Variants in OPTN observed in about 807,000 individuals in gnomAD.
The protein encoded by OPTN is E3-14.7K-interacting protein.
A neutral mutation model predicts 70.4 loss-of-function variants in OPTN; 54 were observed. That is an observed-to-expected ratio of 0.77 (90% CI 0.62 to 0.96). The LOEUF (loss-of-function observed/expected upper bound fraction) is 0.96. Among genes scored for constraint, OPTN ranks in the 40% least tolerant of loss-of-function variants. The pLI, the probability that OPTN is intolerant of heterozygous loss-of-function variation, is 0.00. For synonymous variants in OPTN, 256 were observed against 248.5 expected, an observed-to-expected ratio of 1.03 and a Z score of -0.28; for missense variants, 624 against 673.2, an observed-to-expected ratio of 0.93 and a Z score of 0.81.
At chr10:13,109,940 G>A (rs1832959721) in intron 3 of OPTN, among the ~76,000 whole-genome samples, 1 of 146,998 alleles carries the variant, frequency 6.8e-6, no homozygotes, top group Admixed American at 6.9e-5. Flanking sequence ...TCTCAAGATG[G>A]CTTTGGGCAG....
chr10:13,110,374 G>A lies in OPTN; in HGVS notation c.267G>A (p.Gln89=), dbSNP rs766200278. 1.9e-6 allele frequency: 3 copies of A among 1,614,004 alleles called. No homozygotes were observed. The highest frequency in any genetic ancestry group is 2.5e-6 in the Non-Finnish European group (3 of 1,180,024). The change falls in exon 4 of 15, where the codon CAG becomes CAA. Residue 89 remains glutamine (Q), a synonymous_variant. Transcript: ENST00000378747. Reference sequence around the variant, plus strand: ...AAGAACGCCAGTTTTTTGAGATACAGAGCAAAGAAGCAAAAGAGCGTCTAA... The same window carrying A: ...AAGAACGCCAGTTTTTTGAGATACAAAGCAAAGAAGCAAAAGAGCGTCTAA... ...QKEERQFFEI[Q]SKEAKERLMA... is the part of the protein sequence containing the mutation.
intron 8 of OPTN, 37 bp downstream of exon 8, chr10:13,122,524 C>A: frequency 7.4e-7 from 1 of 1,345,560 alleles, no homozygotes; most frequent in Non-Finnish European, 1.1e-6. Flanking sequence ...ACCACACCCA[C>A]ACACACGAGA....
chr10:13,107,247 C>T (rs7919908), intron 1 of OPTN, among the ~76,000 whole-genome samples: 92,913 of 150,760 alleles, frequency 0.62, 33,744 homozygotes, highest in Non-Finnish European at 0.83. Context: ...TGGTGGCTGA[C>T]GCCTATAGTC....
rs1178080754 is a variant in OPTN at position 13,130,424 on chromosome 10, CAAAAAAAAAAAAAAAA to C, written c.1402-1629_1402-1614del. On this transcript the variant is annotated intron_variant, in intron 12 of 14. Coordinates refer to ENST00000378747, the MANE Select transcript of OPTN (RefSeq NM_001008212.2). ...TGGGCGACAGAGCGAGACTCTATCT[CAAAAAAAAAAAAAAAA>C]AAAAAAAAAAAAATCAGACACTGTT... 2.9e-4 allele frequency among the ~76,000 whole-genome samples: 15 copies of C among 51,756 alleles called. No individual in the cohort carries two copies. In the South Asian group the frequency reaches 0.016, roughly 54 times the overall value. 34.0% of individuals were successfully genotyped at this position (51,756 alleles called of 152,430 possible).
At chr10:13,114,333 C>G (rs1049614788) in intron 5 of OPTN, among the ~76,000 whole-genome samples, 1 of 152,022 alleles carries the variant, frequency 6.6e-6, no homozygotes, top group Admixed American at 6.6e-5. Context: ...AATTGAAAAG[C>G]GTATTTTGCC....
intron 2 of OPTN, among the ~76,000 whole-genome samples, chr10:13,108,672 G>GA (rs1471518259): frequency 6.6e-6 from 1 of 151,408 alleles, no homozygotes; most frequent in Non-Finnish European, 1.5e-5. Context: ...TCAGCCTCCC[G>GA]AGTAGCTGGG....
chr10:13,111,352 T>G (rs1296454112), intron 4 of OPTN, among the ~76,000 whole-genome samples: 4 of 152,222 alleles, frequency 2.6e-5, no homozygotes, highest in African/African-American at 9.6e-5. Flanking sequence ...AAATTTTGAT[T>G]ATTTGAATAC....
At chr10:13,126,283 C>CCTTTT (rs771767144) in intron 11 of OPTN, among the ~76,000 whole-genome samples, 20 of 139,058 alleles carry the variant, frequency 1.4e-4, no homozygotes, top group African/African-American at 4.1e-4. Context: ...CTTCGTATTT[C>CCTTTT]TTTTTTTTTT....
At chr10:13,136,370 T>G (rs1395590090) in intron 14 of OPTN, among the ~76,000 whole-genome samples, 1 of 151,854 alleles carries the variant, frequency 6.6e-6, no homozygotes, top group Non-Finnish European at 1.5e-5. Flanking sequence ...TAGCTGGGCG[T>G]GGTGGCGCGC....
intron 5 of OPTN, among the ~76,000 whole-genome samples, chr10:13,114,788 A>G (rs1451474966): frequency 7.7e-5 from 8 of 104,210 alleles, no homozygotes; most frequent in African/African-American, 2.3e-4. Context: ...TTATATAATT[A>G]TATAATTATA....
intron 8 of OPTN, 103 bp downstream of exon 8, chr10:13,122,590 G>T: frequency 1.2e-6 from 1 of 800,322 alleles, no homozygotes; most frequent in Non-Finnish European, 2.2e-6. Context: ...TAGAAATATA[G>T]AAATCATGTT....
chr10:13,123,946 A>G (rs1328172442), intron 8 of OPTN, 49 bp from the exon 9 acceptor site: 3 of 1,372,014 alleles, frequency 2.2e-6, no homozygotes. Context: ...GGTTTGTTTA[A>G]TGTCAGATGA....
intron 10 of OPTN, 55 bp downstream of exon 10, chr10:13,125,622 T>C (rs1050289828): frequency 6.3e-7 from 1 of 1,596,268 alleles, no homozygotes; most frequent in Non-Finnish European, 8.6e-7. Flanking sequence ...AGAATCGCCT[T>C]TTTATACAGA....
Position 13,100,177 on chromosome 10 carries a change from C to A in OPTN, c.-289C>A. On this transcript the variant is annotated 5_prime_UTR_variant, in exon 1 of 15. Transcript: ENST00000378747. ...CTAGGCACCCCAGTCCCGGCTGCCC[C>A]CTCCGCCACCGCCGCCGCCCGCCGG... 2 of 154,364 alleles carry A rather than the reference C, an allele frequency of 1.3e-5. No homozygotes were observed. The highest frequency in any genetic ancestry group is 3.6e-4 in the South Asian group (2 of 5,520). The allele number at this position is 154,364 out of a possible 1,614,324, so 9.6% of individuals were successfully genotyped here.
intron 5 of OPTN, among the ~76,000 whole-genome samples, chr10:13,115,175 T>C (rs1310199299): frequency 3.2e-5 from 3 of 93,012 alleles, no homozygotes; most frequent in East Asian, 3.3e-4. Context: ...GATATATCTA[T>C]ATTTTATATA....
intron 5 of OPTN, among the ~76,000 whole-genome samples, chr10:13,113,736 C>T (rs893920458): frequency 3.9e-5 from 6 of 152,080 alleles, no homozygotes; most frequent in Non-Finnish European, 7.4e-5. Flanking sequence ...TGGTCACTTT[C>T]GATGAGTCAG....
chr10:13,107,524 A>T (rs10906302), intron 1 of OPTN, among the ~76,000 whole-genome samples: 11 of 150,162 alleles, frequency 7.3e-5, no homozygotes, highest in Middle Eastern at 3.4e-3. Flanking sequence ...GACTACAGGC[A>T]CCTGCCACCA....
intron 7 of OPTN, among the ~76,000 whole-genome samples, chr10:13,120,253 G>A (rs914508640): frequency 2.6e-5 from 4 of 152,050 alleles, no homozygotes; most frequent in Admixed American, 6.5e-5. Flanking sequence ...CTCCCAAAGC[G>A]CTGGGATTAC....
intron 5 of OPTN, 35 bp downstream of exon 5, chr10:13,112,670 C>G: frequency 1.3e-6 from 2 of 1,589,086 alleles, no homozygotes; most frequent in Non-Finnish European, 1.7e-6. Flanking sequence ...TTTGAGCAAA[C>G]TATAAAGCCT....
Sources: allele counts gnomAD v4.1 joint callset (sites outside exome capture counted in the v4.1 genomes callset), GRCh38; gene constraint gnomAD v4.1.1; transcripts MANE v1.5; gene names NCBI Gene and HGNC (gene_info 2026-07-23, HGNC 2026-07-21).